TNIK: variants seen among roughly 807,000 people sequenced by gnomAD.
The protein encoded by TNIK is TRAF2 and NCK-interacting protein kinase.
A neutral mutation model predicts 191.3 loss-of-function variants in TNIK; 49 were observed. That is an observed-to-expected ratio of 0.26 (90% CI 0.20 to 0.32). The LOEUF (loss-of-function observed/expected upper bound fraction) is 0.32. TNIK is among the 10% of genes least tolerant of loss of function. The probability of loss-of-function intolerance (pLI) is 1.00; values close to 1 mark genes in which losing one functional copy is unlikely to be tolerated. For missense variants in TNIK, 1,155 were observed against 1,702.3 expected, an observed-to-expected ratio of 0.68 and a Z score of 5.66; for synonymous variants, 594 against 600.9, an observed-to-expected ratio of 0.99 and a Z score of 0.17.
intron 1 of TNIK, among the ~76,000 whole-genome samples, chr3:171,434,854 G>A (rs1227411914): frequency 1.3e-5 from 2 of 152,050 alleles, no homozygotes; most frequent in East Asian, 3.8e-4. Flanking sequence ...GTTATTATCT[G>A]ATTCCTGACA....
At chr3:171,196,201 T>C (rs1738648670) in intron 4 of TNIK, among the ~76,000 whole-genome samples, 3 of 152,160 alleles carry the variant, frequency 2.0e-5, no homozygotes, top group Non-Finnish European at 4.4e-5. Context: ...AAAGTTTCTG[T>C]TCATAAAAAA....
intron 2 of TNIK, among the ~76,000 whole-genome samples, chr3:171,244,224 C>T (rs1745333747): frequency 6.6e-6 from 1 of 151,936 alleles, no homozygotes; most frequent in South Asian, 2.1e-4. Context: ...GCCACCACGC[C>T]CGGCTAATTT....
intron 19 of TNIK, among the ~76,000 whole-genome samples, chr3:171,108,656 T>C (rs955473251): frequency 1.3e-5 from 2 of 152,248 alleles, no homozygotes; most frequent in African/African-American, 4.8e-5. Flanking sequence ...CTTGTTTTCT[T>C]CTTTTATCAT....
At chr3:171,169,619 A>T (rs73882625) in intron 9 of TNIK, among the ~76,000 whole-genome samples, 3,156 of 152,278 alleles carry the variant, frequency 0.021, 108 homozygotes, top group African/African-American at 0.072. Flanking sequence ...AGAGGTTGAT[A>T]AATAAAAGAA....
rs7618858 is a variant in TNIK at position 171,404,378 on chromosome 3, C to T, written c.58-34693G>A. On this transcript the variant is annotated intron_variant, in intron 1 of 32. Coordinates refer to ENST00000436636, the MANE Select transcript of TNIK (RefSeq NM_015028.4). ...AATAAGTAAAAAAATTAAAAATTAA[C>T]ATTTGTCAATTTTTTTCCCTATCAC... is the stretch of plus-strand genomic sequence containing the variant. Among the ~76,000 whole-genome samples the T allele has an allele frequency of 4.0e-3, 615 of 152,222 alleles. 3 individuals carry two copies. Among genetic ancestry groups the T allele is most frequent in the African/African-American group, 0.014 (585 of 41,524 alleles).
At chr3:171,279,146 C>A (rs1750136197) in intron 2 of TNIK, among the ~76,000 whole-genome samples, 1 of 150,874 alleles carries the variant, frequency 6.6e-6, no homozygotes, top group Admixed American at 6.6e-5. Flanking sequence ...AAAAAAAAAA[C>A]CTAAAGGTAA....
chr3:171,376,651 CAT>C (rs1418829024), intron 1 of TNIK, among the ~76,000 whole-genome samples: 1 of 152,036 alleles, frequency 6.6e-6, no homozygotes, highest in African/African-American at 2.4e-5. Context: ...AGCCCAGAAG[CAT>C]ATCTTCATTA....
chr3:171,165,315 G>A (rs904085797), intron 10 of TNIK, among the ~76,000 whole-genome samples: 7 of 150,476 alleles, frequency 4.7e-5, no homozygotes, highest in Non-Finnish European at 8.8e-5. Flanking sequence ...TGGGTGGGTG[G>A]CTCATGCCTA....
chr3:171,308,584 T>G (rs1324749897), intron 2 of TNIK, among the ~76,000 whole-genome samples: 5 of 152,062 alleles, frequency 3.3e-5, no homozygotes, highest in Non-Finnish European at 7.4e-5. Flanking sequence ...ATCAAAGAGC[T>G]TCTGCACAGC....
At chr3:171,322,346 G>A (rs2108336119) in intron 2 of TNIK, among the ~76,000 whole-genome samples, 1 of 152,010 alleles carries the variant, frequency 6.6e-6, no homozygotes. Flanking sequence ...ATCTGAGCAA[G>A]AATCATTCTC....
At chr3:171,170,192 C>G (rs1335054366) in intron 9 of TNIK, among the ~76,000 whole-genome samples, 5 of 152,098 alleles carry the variant, frequency 3.3e-5, no homozygotes, top group Non-Finnish European at 7.4e-5. Context: ...ACTGATTTCC[C>G]AAGGGTTGGC....
intron 2 of TNIK, among the ~76,000 whole-genome samples, chr3:171,306,244 GA>G (rs879562981): frequency 2.8e-4 from 42 of 151,840 alleles, no homozygotes; most frequent in Middle Eastern, 3.4e-3. Flanking sequence ...GAGAAGTTCA[GA>G]AAAAAAATCT....
intron 21 of TNIK, among the ~76,000 whole-genome samples, chr3:171,104,861 C>CTTTGAAAT (rs1390457641): frequency 6.6e-6 from 1 of 152,028 alleles, no homozygotes; most frequent in Non-Finnish European, 1.5e-5. Context: ...AATTGATGTG[C>CTTTGAAAT]TTTGAAATTT....
intron 2 of TNIK, among the ~76,000 whole-genome samples, chr3:171,365,009 G>A (rs956914044): frequency 2.0e-5 from 3 of 151,820 alleles, no homozygotes; most frequent in Admixed American, 6.6e-5. Flanking sequence ...TAGTTCGTGG[G>A]GATAATGAAG....
At chr3:171,388,733 A>G (rs550559833) in intron 1 of TNIK, among the ~76,000 whole-genome samples, 1 of 152,340 alleles carries the variant, frequency 6.6e-6, no homozygotes, top group South Asian at 2.1e-4. Flanking sequence ...GTGTACACAA[A>G]GCCCTTCCTA....
chr3:171,376,742 TAGA>T (rs1241391174), intron 1 of TNIK, among the ~76,000 whole-genome samples: 7 of 144,360 alleles, frequency 4.8e-5, no homozygotes, highest in African/African-American at 1.8e-4. Context: ...GATAGATAGA[TAGA>T]TGATAGATAG....
chr3:171,232,351 AACC>A (rs1410209077), intron 2 of TNIK, among the ~76,000 whole-genome samples: 1 of 152,026 alleles, frequency 6.6e-6, no homozygotes, highest in Non-Finnish European at 1.5e-5. Flanking sequence ...GAAAAAAAAA[AACC>A]ACATGTGCAA....
intron 2 of TNIK, among the ~76,000 whole-genome samples, chr3:171,354,779 AG>A (rs1256181617): frequency 6.6e-6 from 1 of 152,232 alleles, no homozygotes; most frequent in African/African-American, 2.4e-5. Flanking sequence ...ACAAATATAT[AG>A]ATTTCAGAGA....
At chr3:171,180,617 T>C (rs1736533695) in intron 7 of TNIK, among the ~76,000 whole-genome samples, 1 of 152,180 alleles carries the variant, frequency 6.6e-6, no homozygotes, top group Admixed American at 6.5e-5. Context: ...AAAACCTAAG[T>C]GTTCTAGGGC....
Sources: gnomAD v4.1 joint callset for allele counts (sites outside exome capture counted in the v4.1 genomes callset) on GRCh38, gnomAD v4.1.1 for gene constraint, MANE v1.5 for transcripts, NCBI Gene and HGNC (gene_info 2026-07-23, HGNC 2026-07-21) for gene names.